Variants in TMPRSS6 observed in about 807,000 individuals in gnomAD.
TMPRSS6 encodes transmembrane protease serine 6.
In TMPRSS6, 67 loss-of-function variants were observed where a neutral mutation model predicts 101.5. That is an observed-to-expected ratio of 0.66 (90% CI 0.54 to 0.81). The LOEUF is 0.81. TMPRSS6 is among the 30% of genes least tolerant of loss of function. TMPRSS6 has a pLI of 0.00. For synonymous variants in TMPRSS6, 453 were observed against 464.9 expected, an observed-to-expected ratio of 0.97 and a Z score of 0.33; for missense variants, 1,034 against 1,088.7, an observed-to-expected ratio of 0.95 and a Z score of 0.71.
At chr22:37,072,214 TGATG>T (rs370964289) in intron 13 of TMPRSS6, among the ~76,000 whole-genome samples, 2,243 of 111,622 alleles carry the variant, frequency 0.02, 38 homozygotes, top group Non-Finnish European at 0.027. Flanking sequence ...GATGGATGGA[TGATG>T]GATGGATGGA....
At chr22:37,090,907 A>T (rs1486717607) in intron 6 of TMPRSS6, among the ~76,000 whole-genome samples, 1 of 152,142 alleles carries the variant, frequency 6.6e-6, no homozygotes, top group East Asian at 1.9e-4. Flanking sequence ...GTGACTTTTC[A>T]TCCTGCAGCT....
intron 10 of TMPRSS6, among the ~76,000 whole-genome samples, chr22:37,078,973 A>AATAAAG (rs762878165): frequency 9.4e-6 from 1 of 106,510 alleles, no homozygotes; most frequent in African/African-American, 3.6e-5. Flanking sequence ...GAAAGAAAGA[A>AATAAAG]AAAGAAAGAA....
At chr22:37,097,057 A>T (rs574690715) in intron 3 of TMPRSS6, among the ~76,000 whole-genome samples, 1 of 151,794 alleles carries the variant, frequency 6.6e-6, no homozygotes, top group Non-Finnish European at 1.5e-5. Context: ...GCCTGGGACA[A>T]GCCAGCAGCT....
intron 10 of TMPRSS6, among the ~76,000 whole-genome samples, chr22:37,078,789 AGAAG>A (rs1271716207): frequency 1.7e-4 from 4 of 23,958 alleles, no homozygotes; most frequent in Admixed American, 4.1e-4. Context: ...GAGGAGAAGA[AGAAG>A]GAGGAGGAGG....
At chr22:37,107,728 G>A (rs1930801489) in intron 1 of TMPRSS6, among the ~76,000 whole-genome samples, 1 of 152,092 alleles carries the variant, frequency 6.6e-6, no homozygotes, top group Admixed American at 6.5e-5. Context: ...GCTCCTTGCT[G>A]GGCCTGGGAT....
At chr22:37,095,694 C>T in intron 5 of TMPRSS6, 102 bp from the exon 6 acceptor site, 1 of 1,357,614 alleles carries the variant, frequency 7.4e-7, no homozygotes, top group Non-Finnish European at 1.0e-6. Flanking sequence ...TTGGAGCCAG[C>T]CTTGTCTGAG....
intron 10 of TMPRSS6, among the ~76,000 whole-genome samples, chr22:37,076,559 G>A (rs1471931452): frequency 6.6e-6 from 1 of 152,144 alleles, no homozygotes; most frequent in Non-Finnish European, 1.5e-5. Flanking sequence ...CCAGGGCATG[G>A]GCCCAGGGGT....
Position 37,103,155 on chromosome 22 carries a change from C to T in TMPRSS6, c.202+61G>A. ...TGGAACCCAGTCCTGTCCTGCTGTG[C>T]CTGCTACAGTCACCCCAAGTCCTCC... On this transcript the variant is annotated intron_variant, in intron 2 of 17. Coordinates refer to ENST00000676104, the MANE Select transcript of TMPRSS6 (RefSeq NM_001374504.1). This position sits in a 1 kb window ranked among gnomAD's most constrained non-coding sequence, Gnocchi z 4.4. The T allele has an allele frequency of 6.4e-7, 1 of 1,563,708 alleles. No homozygotes were observed. The highest frequency in any genetic ancestry group is 8.8e-7 in the Non-Finnish European group (1 of 1,137,992).
In TMPRSS6 at chr22:37,069,757, G is replaced by T. The variant is rs925465896; in HGVS notation, c.1842-413C>A. 1.3e-5 allele frequency among the ~76,000 whole-genome samples: 2 copies of T among 152,216 alleles called. No individual in the cohort carries two copies. Among genetic ancestry groups the T allele is most frequent in the Non-Finnish European group, 2.9e-5 (2 of 68,044 alleles). On this transcript the variant is annotated intron_variant, in intron 15 of 17. Coordinates refer to ENST00000676104, the MANE Select transcript of TMPRSS6 (RefSeq NM_001374504.1). The surrounding 1 kb of genome is among the most constrained non-coding windows in gnomAD (Gnocchi z 4.8). Reference sequence around the variant, plus strand: ...ACCCAGGCTGCTCTGAATTCCCTGAGGCTGGTGGGTCCTAGTGGGGAGCGG... The same window carrying T: ...ACCCAGGCTGCTCTGAATTCCCTGATGCTGGTGGGTCCTAGTGGGGAGCGG...
At chr22:37,108,254 T>A (rs1000720452) in intron 1 of TMPRSS6, among the ~76,000 whole-genome samples, 8 of 152,202 alleles carry the variant, frequency 5.3e-5, no homozygotes, top group African/African-American at 1.9e-4. Context: ...CTCTTCCTTC[T>A]GCCTGGGCCC....
At chr22:37,075,897 C>G (rs973339065) in intron 10 of TMPRSS6, among the ~76,000 whole-genome samples, 6 of 131,250 alleles carry the variant, frequency 4.6e-5, no homozygotes, top group Non-Finnish European at 4.7e-5. Context: ...AACGAAAGTA[C>G]GTCAAAAAAA....
rs571089503 is a variant in TMPRSS6 at position 37,087,428 on chromosome 22, A to G, written c.837-1009T>C. Among the ~76,000 whole-genome samples, 12 of 152,314 alleles carry G rather than the reference A, an allele frequency of 7.9e-5. No individual in the cohort carries two copies. The South Asian group carries it at 2.5e-3, about 32-fold the overall frequency. ...CTCCAAGCACAGCCTCAAAATCGCTACACATGGCACCCAAGCAGCCTGCAG... is the reference window on the plus strand; with the variant it reads ...CTCCAAGCACAGCCTCAAAATCGCTGCACATGGCACCCAAGCAGCCTGCAG... On this transcript the variant is annotated intron_variant, in intron 7 of 17. Transcript: ENST00000676104.
intron 1 of TMPRSS6, among the ~76,000 whole-genome samples, chr22:37,107,216 G>A (rs1003130234): frequency 1.3e-5 from 2 of 152,164 alleles, no homozygotes; most frequent in African/African-American, 4.8e-5. Context: ...CAGGTTCAAT[G>A]CTCAGTCACC....
At chr22:37,067,030 C>T (rs1568993441) in intron 16 of TMPRSS6, 68 bp from the exon 17 acceptor site, 16 of 1,608,560 alleles carry the variant, frequency 9.9e-6, no homozygotes, top group Non-Finnish European at 8.5e-7. Context: ...TTCTCCCTAA[C>T]ATTATTCCCT....
At chr22:37,089,544 G>GGGCCC in intron 7 of TMPRSS6, 34 bp downstream of exon 7, 2 of 1,348,838 alleles carry the variant, frequency 1.5e-6, no homozygotes, top group Non-Finnish European at 2.1e-6. Context: ...CCCTTTTCCA[G>GGGCCC]CCCTCCCTCC....
intron 1 of TMPRSS6, among the ~76,000 whole-genome samples, chr22:37,107,800 C>T (rs1442324789): frequency 1.3e-5 from 2 of 152,180 alleles, no homozygotes; most frequent in African/African-American, 4.8e-5. Flanking sequence ...TCAGATGTCA[C>T]CTCTCCAGAG....
intron 6 of TMPRSS6, among the ~76,000 whole-genome samples, chr22:37,092,550 G>A (rs1929363909): frequency 1.3e-5 from 2 of 151,484 alleles, no homozygotes; most frequent in South Asian, 4.2e-4. Context: ...AGGCTGGAGT[G>A]CAATGGTGCA....
intron 10 of TMPRSS6, among the ~76,000 whole-genome samples, chr22:37,076,090 A>G (rs1014594990): frequency 2.6e-5 from 4 of 151,894 alleles, no homozygotes; most frequent in African/African-American, 9.7e-5. Context: ...AGAAAGAGAA[A>G]GAAAGAAAGG....
At chr22:37,108,371 C>T (rs1446348285) in intron 1 of TMPRSS6, among the ~76,000 whole-genome samples, 1 of 152,208 alleles carries the variant, frequency 6.6e-6, no homozygotes, top group Non-Finnish European at 1.5e-5. Flanking sequence ...CTGCCCCTCG[C>T]GATGTGCAGC....
Sources: gnomAD v4.1 joint callset for allele counts (sites outside exome capture counted in the v4.1 genomes callset) on GRCh38, gnomAD v4.1.1 for gene constraint, Gnocchi (gnomAD v3.1) non-coding constraint, MANE v1.5 for transcripts, NCBI Gene and HGNC (gene_info 2026-07-23, HGNC 2026-07-21) for gene names.